TNRC6B: variants seen among roughly 807,000 people sequenced by gnomAD.
TNRC6B encodes the protein trinucleotide repeat-containing gene 6B protein.
TNRC6B carries 52 observed loss-of-function variants against 203.6 expected under a neutral mutation model. That is an observed-to-expected ratio of 0.26 (90% CI 0.20 to 0.32). The LOEUF is 0.32. TNRC6B is among the 10% of genes least tolerant of loss of function. The probability of loss-of-function intolerance (pLI) is 1.00; values close to 1 mark genes in which losing one functional copy is unlikely to be tolerated. For missense variants in TNRC6B, 1,923 were observed against 2,286.2 expected (o/e 0.84, Z 3.24); for synonymous variants, 838 against 845.7 (o/e 0.99, Z 0.16).
upstream of TNRC6B, among the ~76,000 whole-genome samples, chr22:40,176,572 C>A (rs1366968770): frequency 1.2e-4 from 18 of 152,264 alleles, no homozygotes. Context: ...CTCAGCCCAG[C>A]CCTTCTGAAT....
intron 10 of TNRC6B, among the ~76,000 whole-genome samples, chr22:40,280,622 C>T (rs889359235): frequency 6.6e-6 from 1 of 152,156 alleles, no homozygotes; most frequent in Admixed American, 6.6e-5. Flanking sequence ...CAGTTTCTAC[C>T]TATTGGTTTT....
In TNRC6B at chr22:40,323,931, C is replaced by G. The variant is rs1346039609; in HGVS notation, c.*690C>G. 6.6e-6 allele frequency: 1 copy of G among 152,498 alleles called. No individual in the cohort carries two copies. The highest frequency in any genetic ancestry group is 2.4e-5 in the African/African-American group (1 of 41,434). The allele number at this position is 152,498 out of a possible 1,614,324, so 9.4% of individuals were successfully genotyped here. A position where few individuals can be genotyped will look rare whatever the true frequency, so the allele number is the denominator to read the frequency against. Reference sequence around the variant, plus strand: ...CATTCGCGTGCATCCTTCTCTGTCTCTGTGTGTGTGCCTGTGTTCTTCCCT... The same window carrying G: ...CATTCGCGTGCATCCTTCTCTGTCTGTGTGTGTGTGCCTGTGTTCTTCCCT... On this transcript the variant is annotated 3_prime_UTR_variant, in exon 23 of 23. Transcript: ENST00000454349.
Position 40,268,908 on chromosome 22 carries a change from G to A in TNRC6B, c.2807-1214G>A, listed in dbSNP as rs1317945190. On this transcript the variant is annotated intron_variant, in intron 5 of 22. Coordinates refer to ENST00000454349, the MANE Select transcript of TNRC6B (RefSeq NM_001162501.2). ...AGCCTGGGCGACAGAGCAAGACTCC[G>A]TCTCAAAAAATAATAATAATAATAA... Among the ~76,000 whole-genome samples the A allele has an allele frequency of 2.0e-5, 3 of 149,392 alleles. No individual in the cohort carries two copies. The East Asian group carries it at 5.9e-4, about 29-fold the overall frequency.
At chr22:40,319,251 AC>A (rs1414593430) in intron 21 of TNRC6B, among the ~76,000 whole-genome samples, 69 of 142,794 alleles carry the variant, frequency 4.8e-4, no homozygotes, top group South Asian at 1.8e-3. Context: ...GAAGAGTGAG[AC>A]CCCCCCCATC....
chr22:40,261,783 A>T lies in TNRC6B; in HGVS notation c.116-49A>T, dbSNP rs199724592. ...AATTATTTTTAAAATTTTTAGAAAA[A>T]ATGTATTTGATGTATTTCAAAGACT... On this transcript the variant is annotated intron_variant, in intron 3 of 22. Coordinates refer to ENST00000454349, the MANE Select transcript of TNRC6B (RefSeq NM_001162501.2). The T allele has an allele frequency of 6.7e-6, 9 of 1,351,076 alleles. No individual in the cohort carries two copies. In the African/African-American group the frequency reaches 1.3e-4, roughly 20 times the overall value. The allele number at this position is 1,351,076 out of a possible 1,614,324, so 83.7% of individuals were successfully genotyped here. A position where few individuals can be genotyped will look rare whatever the true frequency, so the allele number is the denominator to read the frequency against.
intron 1 of TNRC6B, among the ~76,000 whole-genome samples, chr22:40,183,062 C>T (rs2069155516): frequency 1.3e-5 from 1 of 77,200 alleles, no homozygotes; most frequent in Non-Finnish European, 2.3e-5. Context: ...GTATCCCCAA[C>T]ATCTAGAACG....
At chr22:40,171,382 C>T (rs775265833) in intron 4 of TNRC6B, among the ~76,000 whole-genome samples, 8 of 151,858 alleles carry the variant, frequency 5.3e-5, no homozygotes, top group Non-Finnish European at 1.0e-4. Flanking sequence ...AGCATAGTCT[C>T]GATCTCCTGA....
intron 1 of TNRC6B, among the ~76,000 whole-genome samples, chr22:40,200,252 T>G (rs1463502680): frequency 6.7e-6 from 1 of 150,052 alleles, no homozygotes; most frequent in African/African-American, 2.5e-5. Flanking sequence ...GTTTCAAAAT[T>G]TTAAAATAAT....
intron 1 of TNRC6B, among the ~76,000 whole-genome samples, chr22:40,098,555 A>T (rs1176908577): frequency 6.6e-6 from 1 of 152,120 alleles, no homozygotes; most frequent in African/African-American, 2.4e-5. Context: ...TTTAATCAAA[A>T]TTGTTCTAAG....
rs186935736 is a variant in TNRC6B at position 40,063,510 on chromosome 22, T to C, written c.-121+18512T>C. ...TGAACTTACAGATCAATTTGGCAAA[T>C]ACTGCCATTTAAACAAAATGTTGCT... On this transcript the variant is annotated intron_variant, in intron 1 of 23. Coordinates refer to the TNRC6B transcript ENST00000301923. Among the ~76,000 whole-genome samples the C allele has an allele frequency of 1.1e-4, 16 of 152,348 alleles. No individual in the cohort carries two copies. The East Asian group carries it at 1.7e-3, about 17-fold the overall frequency.
chr22:40,173,423 T>G (rs2069021921), upstream of TNRC6B, among the ~76,000 whole-genome samples: 1 of 21,524 alleles, frequency 4.6e-5, no homozygotes, highest in Admixed American at 4.1e-4. Context: ...CAGTTTACTC[T>G]TTTTTTTTTT....
At chr22:40,192,371 A>C (rs921676250) in intron 1 of TNRC6B, among the ~76,000 whole-genome samples, 9 of 152,282 alleles carry the variant, frequency 5.9e-5, no homozygotes, top group African/African-American at 1.9e-4. Context: ...TAATCCCAGC[A>C]CTTTGGGAGG....
intron 2 of TNRC6B, among the ~76,000 whole-genome samples, chr22:40,249,626 G>A (rs1289965682): frequency 6.6e-6 from 1 of 152,162 alleles, no homozygotes; most frequent in Non-Finnish European, 1.5e-5. Context: ...CATTATTTGG[G>A]CTTGTTGCTT....
intron 3 of TNRC6B, among the ~76,000 whole-genome samples, chr22:40,130,764 C>G (rs1418005008): frequency 1.0e-5 from 1 of 99,862 alleles, no homozygotes; most frequent in African/African-American, 4.4e-5. Context: ...GCCTGGGCGA[C>G]AGGGAGACTC....
At chr22:40,255,722 A>C (rs761505086) in intron 3 of TNRC6B, among the ~76,000 whole-genome samples, 4 of 152,202 alleles carry the variant, frequency 2.6e-5, no homozygotes, top group Non-Finnish European at 5.9e-5. Flanking sequence ...TTCCTTGCCC[A>C]ATCTGGCCCG....
At chr22:40,113,198 G>A (rs924984414) in intron 1 of TNRC6B, among the ~76,000 whole-genome samples, 1 of 152,220 alleles carries the variant, frequency 6.6e-6, no homozygotes, top group African/African-American at 2.4e-5. Flanking sequence ...ATGTTTTTAG[G>A]AATGGACAGA....
At position 40,280,130 on chromosome 22, in the gene TNRC6B, C is replaced by T. The variant is rs775250418; in HGVS notation, c.3398C>T (p.Pro1133Leu). The T allele has an allele frequency of 1.2e-6, 2 of 1,611,698 alleles. No individual in the cohort carries two copies. The highest frequency in any genetic ancestry group is 4.5e-5 in the East Asian group (2 of 44,870). ...GACATGGGAACCACAGATAGTGGGC[C>T]TTATTTTGAGAAGGTGAGTTGAATC... is the stretch of plus-strand genomic sequence containing the variant. Reference protein sequence around the residue: ...SKDMGTTDSGPYFEKLTLPFS... With the variant: ...SKDMGTTDSGLYFEKLTLPFS... The change falls in exon 10 of 23, where the codon CCT (proline) becomes CTT (leucine). Residue 1133 changes from proline (P) to leucine (L), a missense_variant. Pro to Leu is a moderately conservative substitution (Grantham distance 98). Transcript: ENST00000454349.
chr22:40,207,353 A>G (rs1239700583), intron 1 of TNRC6B, among the ~76,000 whole-genome samples: 2 of 147,926 alleles, frequency 1.4e-5, no homozygotes, highest in Admixed American at 7.0e-5. Flanking sequence ...GGGCACCTCT[A>G]CTGTGGTCAC....
At chr22:40,295,833 G>A (rs2070931572) in intron 12 of TNRC6B, among the ~76,000 whole-genome samples, 1 of 152,122 alleles carries the variant, frequency 6.6e-6, no homozygotes, top group African/African-American at 2.4e-5. Context: ...TAATGCCCAG[G>A]GTTTACAGAG....
Sources: gnomAD v4.1 joint callset for allele counts (sites outside exome capture counted in the v4.1 genomes callset) on GRCh38, gnomAD v4.1.1 for gene constraint, MANE v1.5 for transcripts, NCBI Gene and HGNC (gene_info 2026-07-23, HGNC 2026-07-21) for gene names.